The following PLCB1 variants were observed in gnomAD, a reference collection of about 807,000 sequenced individuals.
The protein encoded by PLCB1 is phospholipase C beta 1, also known as 1-phosphatidylinositol 4,5-bisphosphate phosphodiesterase beta-1.
Under a neutral mutation model 161.8 loss-of-function variants are expected in PLCB1, and 46 were observed. The ratio of observed to expected loss-of-function variants is 0.28; its 90% CI spans 0.22 to 0.36. The LOEUF is 0.36. PLCB1 is among the 10% of genes least tolerant of loss of function. PLCB1 has a pLI of 1.00. For synonymous variants in PLCB1, 517 were observed against 503.7 expected (o/e 1.03, Z -0.35); for missense variants, 1,016 against 1,472.5 (o/e 0.69, Z 5.07).
chr20:8,261,419 A>G (rs556133918), intron 2 of PLCB1, among the ~76,000 whole-genome samples: 3 of 152,286 alleles, frequency 2.0e-5, no homozygotes, highest in Admixed American at 1.3e-4. Context: ...GCAAGGTAGA[A>G]AAGGAGATGT....
At chr20:8,812,192 C>G (rs904553278) in intron 31 of PLCB1, among the ~76,000 whole-genome samples, 1 of 152,072 alleles carries the variant, frequency 6.6e-6, no homozygotes, top group African/African-American at 2.4e-5. Context: ...AAAGCCTGCC[C>G]CCTTCTTCCT....
chr20:8,694,134 G>A (rs1160949619), intron 10 of PLCB1, among the ~76,000 whole-genome samples: 1 of 152,080 alleles, frequency 6.6e-6, no homozygotes, highest in Non-Finnish European at 1.5e-5. Flanking sequence ...GAATTTTAGG[G>A]AACAAAAATA....
chr20:8,424,184 G>T (rs779254450), intron 3 of PLCB1, among the ~76,000 whole-genome samples: 3 of 152,080 alleles, frequency 2.0e-5, no homozygotes, highest in Admixed American at 6.5e-5. Context: ...TGTAGTGATG[G>T]ATTTACTTCA....
At chr20:8,292,495 A>G (rs1044956451) in intron 2 of PLCB1, among the ~76,000 whole-genome samples, 3 of 152,138 alleles carry the variant, frequency 2.0e-5, no homozygotes, top group Non-Finnish European at 1.5e-5. Flanking sequence ...CAGTTTGTTC[A>G]TGTTTAAAAT....
chr20:8,522,083 G>A (rs1263316562), intron 3 of PLCB1, among the ~76,000 whole-genome samples: 1 of 152,236 alleles, frequency 6.6e-6, no homozygotes, highest in African/African-American at 2.4e-5. Context: ...CCTGTGATAG[G>A]CAGTCTGCTA....
At chr20:8,695,516 A>G (rs899756225) in intron 10 of PLCB1, among the ~76,000 whole-genome samples, 6 of 152,194 alleles carry the variant, frequency 3.9e-5, no homozygotes, top group African/African-American at 1.4e-4. Context: ...AACCTGGGCA[A>G]CATAAGGAGA....
intron 3 of PLCB1, among the ~76,000 whole-genome samples, chr20:8,464,135 A>G (rs1181549436): frequency 6.6e-6 from 1 of 152,150 alleles, no homozygotes; most frequent in East Asian, 1.9e-4. Flanking sequence ...CTATAGTCTA[A>G]TATTCACTGT....
chr20:8,226,851 C>A (rs1217573461), intron 2 of PLCB1, among the ~76,000 whole-genome samples: 2 of 151,956 alleles, frequency 1.3e-5, no homozygotes, highest in Admixed American at 1.3e-4. Context: ...CTGCGTCTGG[C>A]TAATTTTTTG....
At chr20:8,409,775 C>G (rs190250509) in intron 3 of PLCB1, among the ~76,000 whole-genome samples, 242 of 152,064 alleles carry the variant, frequency 1.6e-3, no homozygotes, top group African/African-American at 5.6e-3. Context: ...ATTGTATATT[C>G]TGTTAAGAGT....
chr20:8,138,655 G>T (rs1297910560), intron 1 of PLCB1, among the ~76,000 whole-genome samples: 4 of 152,206 alleles, frequency 2.6e-5, no homozygotes, highest in Non-Finnish European at 5.9e-5. Flanking sequence ...AGGAAATATA[G>T]ACATATTTCT....
chr20:8,874,681 A>G (rs1477412004), intron 31 of PLCB1, among the ~76,000 whole-genome samples: 1 of 152,038 alleles, frequency 6.6e-6, no homozygotes, highest in Non-Finnish European at 1.5e-5. Flanking sequence ...TACATAATGC[A>G]TATGTGGCAA....
chr20:8,582,847 G>C (rs989769462), intron 3 of PLCB1, among the ~76,000 whole-genome samples: 6 of 151,930 alleles, frequency 3.9e-5, no homozygotes, highest in African/African-American at 1.5e-4. Context: ...AAATTAGCCG[G>C]ACATAGTGGC....
chr20:8,462,997 T>A (rs1421290902), intron 3 of PLCB1, among the ~76,000 whole-genome samples: 1 of 152,096 alleles, frequency 6.6e-6, no homozygotes, highest in Admixed American at 6.6e-5. Context: ...ATTTATTTAT[T>A]TATTTTATTC....
At chr20:8,814,446 T>G (rs901038636) in intron 31 of PLCB1, among the ~76,000 whole-genome samples, 6 of 152,206 alleles carry the variant, frequency 3.9e-5, no homozygotes, top group African/African-American at 1.4e-4. Context: ...AGTTCTTTCC[T>G]TTTAACATCT....
In PLCB1 at chr20:8,609,939, A is replaced by G. The variant is rs190523953; in HGVS notation, c.247-18355A>G. On this transcript the variant is annotated intron_variant, in intron 3 of 31. Coordinates refer to ENST00000338037, the MANE Select transcript of PLCB1 (RefSeq NM_015192.4). The stretch of plus-strand genomic sequence containing the variant: ...TAAATTAACCCTTCTAATGTAAACA[A>G]TTCAGTGGTTTTTAGTATATTTAGT... Among the ~76,000 whole-genome samples, 22 of 152,292 alleles carry G rather than the reference A, an allele frequency of 1.4e-4. No individual in the cohort carries two copies. In the East Asian group the frequency reaches 3.1e-3, roughly 21 times the overall value.
At chr20:8,321,604 G>A (rs989244379) in intron 2 of PLCB1, among the ~76,000 whole-genome samples, 26 of 152,050 alleles carry the variant, frequency 1.7e-4, no homozygotes, top group African/African-American at 5.6e-4. Flanking sequence ...GTATTTTACC[G>A]GTACCCCATA....
At chr20:8,134,701 G>C (rs2051327707) in intron 1 of PLCB1, among the ~76,000 whole-genome samples, 1 of 151,950 alleles carries the variant, frequency 6.6e-6, no homozygotes, top group Non-Finnish European at 1.5e-5. Context: ...GAGAGAGATT[G>C]GGTGATGCAT....
chr20:8,815,152 G>C (rs1246319537), intron 31 of PLCB1, among the ~76,000 whole-genome samples: 1 of 152,096 alleles, frequency 6.6e-6, no homozygotes, highest in East Asian at 1.9e-4. Flanking sequence ...TTTTCTCTGG[G>C]TTCCTTCCTT....
chr20:8,143,617 C>A (rs2051425481), intron 1 of PLCB1, among the ~76,000 whole-genome samples: 1 of 152,142 alleles, frequency 6.6e-6, no homozygotes, highest in African/African-American at 2.4e-5. Context: ...CTGGAAAATT[C>A]TATTTATGAC....
Sources: gnomAD v4.1 joint callset for allele counts (sites outside exome capture counted in the v4.1 genomes callset) on GRCh38, gnomAD v4.1.1 for gene constraint, MANE v1.5 for transcripts, NCBI Gene and HGNC (gene_info 2026-07-23, HGNC 2026-07-21) for gene names.